CHCHD6: variants seen among roughly 807,000 people sequenced by gnomAD.
CHCHD6 encodes coiled-coil-helix-coiled-coil-helix domain containing 6.
Under a neutral mutation model 32.3 loss-of-function variants are expected in CHCHD6, and 28 were observed. That is an observed-to-expected ratio of 0.87 (90% CI 0.64 to 1.19). The LOEUF is 1.19. CHCHD6 is among the 50% of genes most tolerant of loss of function. The pLI is 0.00. For missense variants in CHCHD6, 333 were observed against 307.0 expected, an observed-to-expected ratio of 1.08 and a Z score of -0.63; for synonymous variants, 122 against 117.5, an observed-to-expected ratio of 1.04 and a Z score of -0.25.
At chr3:126,924,363 G>A (rs2078294657) in intron 6 of CHCHD6, among the ~76,000 whole-genome samples, 1 of 152,092 alleles carries the variant, frequency 6.6e-6, no homozygotes, top group Non-Finnish European at 1.5e-5. Context: ...GGGTCAACAG[G>A]GACTATAGCT....
chr3:126,895,401 C>T lies in CHCHD6; in HGVS notation c.496-19279C>T, dbSNP rs891807953. Among the ~76,000 whole-genome samples, 32 of 152,114 alleles carry T rather than the reference C, an allele frequency of 2.1e-4. 1 individual carries two copies. Among genetic ancestry groups the T allele is most frequent in the African/African-American group, 7.0e-4 (29 of 41,424 alleles). On this transcript the variant is annotated intron_variant, in intron 5 of 7. Transcript: ENST00000290913. ...GCTGGCTGCATTTCATCAGCAGCAG[C>T]GTCTGTGTCCATCATTCTGGGCTAT... is the stretch of plus-strand genomic sequence containing the variant.
At chr3:126,917,738 A>G (rs2078192221) in intron 6 of CHCHD6, among the ~76,000 whole-genome samples, 2 of 152,188 alleles carry the variant, frequency 1.3e-5, no homozygotes, top group South Asian at 2.1e-4. Flanking sequence ...TGATTAGATC[A>G]TGGGAGTGGA....
intron 4 of CHCHD6, among the ~76,000 whole-genome samples, chr3:126,808,133 G>A (rs1939497999): frequency 6.6e-6 from 1 of 152,168 alleles, no homozygotes; most frequent in African/African-American, 2.4e-5. Context: ...CTTGTTGGGG[G>A]TTGGATCCAT....
chr3:126,863,855 ACACCTCCTCCTCCTCCACCAT>A (rs1559889334), intron 5 of CHCHD6, among the ~76,000 whole-genome samples: 3 of 26,556 alleles, frequency 1.1e-4, no homozygotes, highest in African/African-American at 4.8e-4. Flanking sequence ...TCCACCATCA[ACACCTCCTCCTCCTCCACCAT>A]CACCACCTCC....
At chr3:126,879,551 CA>C in intron 5 of CHCHD6, among the ~76,000 whole-genome samples, 1 of 152,338 alleles carries the variant, frequency 6.6e-6, no homozygotes, top group Non-Finnish European at 1.5e-5. Context: ...CAAAAGTTAT[CA>C]GTTTCACAAG....
intron 4 of CHCHD6, among the ~76,000 whole-genome samples, chr3:126,764,289 C>T (rs1937276909): frequency 6.6e-6 from 1 of 150,908 alleles, no homozygotes; most frequent in South Asian, 2.1e-4. Context: ...ACAACCTTCT[C>T]TTTGATTCCC....
chr3:126,835,894 G>A (rs1042102445), intron 4 of CHCHD6, among the ~76,000 whole-genome samples: 1 of 152,138 alleles, frequency 6.6e-6, no homozygotes, highest in African/African-American at 2.4e-5. Flanking sequence ...CTAGAAAATC[G>A]CATATTATTT....
At chr3:126,798,073 C>T (rs535785627) in intron 4 of CHCHD6, among the ~76,000 whole-genome samples, 2 of 152,272 alleles carry the variant, frequency 1.3e-5, no homozygotes, top group Admixed American at 1.3e-4. Flanking sequence ...TTTTGCTTCA[C>T]AGTTTGAAGC....
intron 6 of CHCHD6, among the ~76,000 whole-genome samples, chr3:126,933,176 C>T (rs1487993772): frequency 2.0e-5 from 3 of 152,170 alleles, no homozygotes; most frequent in Non-Finnish European, 4.4e-5. Flanking sequence ...GGAAGCCCTA[C>T]CTGCTTCCAT....
chr3:126,871,217 A>G (rs773883311), intron 5 of CHCHD6, among the ~76,000 whole-genome samples: 28 of 152,152 alleles, frequency 1.8e-4, no homozygotes, highest in Non-Finnish European at 4.0e-4. Flanking sequence ...CTTTCACCCC[A>G]GTATGGGCCT....
intron 4 of CHCHD6, among the ~76,000 whole-genome samples, chr3:126,818,611 A>G (rs1016928918): frequency 1.3e-5 from 2 of 152,224 alleles, no homozygotes; most frequent in Non-Finnish European, 2.9e-5. Flanking sequence ...TCTCCAGTTA[A>G]GAAGATGAAC....
intron 4 of CHCHD6, among the ~76,000 whole-genome samples, chr3:126,739,506 G>T (rs1412949079): frequency 6.6e-6 from 1 of 152,210 alleles, no homozygotes; most frequent in African/African-American, 2.4e-5. Flanking sequence ...GTCTCTCTGA[G>T]TACCCAGGTG....
At chr3:126,810,564 G>A (rs1939613700) in intron 4 of CHCHD6, among the ~76,000 whole-genome samples, 1 of 152,102 alleles carries the variant, frequency 6.6e-6, no homozygotes, top group Admixed American at 6.5e-5. Context: ...CCTAGGATTG[G>A]GTACTAGAAC....
At chr3:126,922,585 G>A (rs565204432) in intron 6 of CHCHD6, among the ~76,000 whole-genome samples, 11 of 152,104 alleles carry the variant, frequency 7.2e-5, no homozygotes, top group Non-Finnish European at 8.8e-5. Flanking sequence ...GGCTGTCCCA[G>A]TGCTGGCTGT....
intron 5 of CHCHD6, among the ~76,000 whole-genome samples, chr3:126,903,390 TG>T (rs1466362791): frequency 2.0e-5 from 3 of 152,216 alleles, no homozygotes; most frequent in Non-Finnish European, 4.4e-5. Context: ...TCCCAGCTTT[TG>T]GGTTGTCCTT....
chr3:126,940,598 T>G (rs1322334981), intron 6 of CHCHD6, among the ~76,000 whole-genome samples: 1 of 152,212 alleles, frequency 6.6e-6, no homozygotes, highest in Non-Finnish European at 1.5e-5. Context: ...AAAAAACATA[T>G]GCATACAGGT....
intron 5 of CHCHD6, among the ~76,000 whole-genome samples, chr3:126,853,226 G>A (rs1941538592): frequency 6.9e-6 from 1 of 145,190 alleles, no homozygotes; most frequent in Non-Finnish European, 1.5e-5. Context: ...TGAAATGAAT[G>A]AGATTTAAAA....
At chr3:126,710,982 G>T (rs1313340642) in intron 1 of CHCHD6, among the ~76,000 whole-genome samples, 1 of 152,172 alleles carries the variant, frequency 6.6e-6, no homozygotes, top group Admixed American at 6.5e-5. Context: ...GAATGTGAAC[G>T]TCCTTGTCTT....
intron 6 of CHCHD6, among the ~76,000 whole-genome samples, chr3:126,931,199 A>G (rs1007321277): frequency 6.6e-6 from 1 of 152,122 alleles, no homozygotes; most frequent in Non-Finnish European, 1.5e-5. Context: ...GACACCCTCC[A>G]CCTACCTTCC....
Sources: allele counts gnomAD v4.1 joint callset (sites outside exome capture counted in the v4.1 genomes callset), GRCh38; gene constraint gnomAD v4.1.1; transcripts MANE v1.5; gene names NCBI Gene and HGNC (gene_info 2026-07-23, HGNC 2026-07-21).